Variants in GRM8 observed in about 807,000 individuals in gnomAD.
GRM8 encodes the protein glutamate metabotropic receptor 8.
In GRM8, 47 loss-of-function variants were observed where a neutral mutation model predicts 87.2. The ratio of observed to expected loss-of-function variants is 0.54; its 90% CI spans 0.43 to 0.69. The LOEUF (loss-of-function observed/expected upper bound fraction) is 0.69, where lower values mean the gene tolerates loss of function less well. GRM8 is among the 30% of genes least tolerant of loss of function. The probability of loss-of-function intolerance (pLI) is 0.00; values close to 1 mark genes in which losing one functional copy is unlikely to be tolerated. For missense variants in GRM8, 1,019 were observed against 1,139.2 expected (o/e 0.89, Z 1.52); for synonymous variants, 396 against 404.5 (o/e 0.98, Z 0.25).
chr7:127,032,226 C>A (rs970354421), intron 3 of GRM8, among the ~76,000 whole-genome samples: 4 of 152,128 alleles, frequency 2.6e-5, no homozygotes, highest in African/African-American at 4.8e-5. Flanking sequence ...CCCAGTGACA[C>A]CACTGTGCTC....
intron 6 of GRM8, among the ~76,000 whole-genome samples, chr7:126,853,278 T>A (rs1034181931): frequency 3.3e-5 from 5 of 152,220 alleles, no homozygotes; most frequent in Non-Finnish European, 7.4e-5. Flanking sequence ...TTTTGTTTGA[T>A]CTGTAACATG....
At chr7:126,932,841 G>T (rs1388443944) in intron 3 of GRM8, among the ~76,000 whole-genome samples, 4 of 152,186 alleles carry the variant, frequency 2.6e-5, no homozygotes, top group Non-Finnish European at 5.9e-5. Context: ...GTGTGATTCA[G>T]ATTGTGGAGG....
intron 3 of GRM8, among the ~76,000 whole-genome samples, chr7:127,092,175 T>C (rs1425877490): frequency 2.6e-5 from 4 of 151,726 alleles, no homozygotes; most frequent in African/African-American, 9.7e-5. Context: ...CCCTACCCTA[T>C]ATAATGGAAG....
chr7:127,100,158 C>G (rs939248873), intron 3 of GRM8, among the ~76,000 whole-genome samples: 1 of 152,090 alleles, frequency 6.6e-6, no homozygotes, highest in South Asian at 2.1e-4. Flanking sequence ...TGATAAATTT[C>G]TATTATTTTA....
chr7:126,934,064 A>G (rs1040951485), intron 3 of GRM8, among the ~76,000 whole-genome samples: 26 of 152,276 alleles, frequency 1.7e-4, no homozygotes, highest in African/African-American at 6.3e-4. Flanking sequence ...TTGATACTTA[A>G]ACTTAACCAA....
intron 6 of GRM8, among the ~76,000 whole-genome samples, chr7:126,827,944 G>A (rs1330622100): frequency 6.6e-6 from 1 of 152,086 alleles, no homozygotes. Flanking sequence ...TTTGTCAAAG[G>A]CCTTTTCTGC....
In GRM8 at chr7:126,769,882, C is replaced by T. The variant is rs1288727816; in HGVS notation, c.1340G>A (p.Arg447Gln). The change falls in exon 7 of 11, where the codon CGG becomes CAG. Residue 447 changes from arginine (R) to glutamine (Q), a missense_variant. Physicochemically the swap from Arg to Gln is conservative, Grantham distance 43. Coordinates refer to ENST00000339582, the MANE Select transcript of GRM8 (RefSeq NM_000845.3). ...TAACTTACCATTAAAATTTACAGCC[C>T]GAATATAACCAAGTAGCTCTTTCCC... ...IDGKELLGYI[R>Q]AVNFNGSAGT... 5.0e-6 allele frequency: 8 copies of T among 1,610,442 alleles called. No homozygotes were observed. Among genetic ancestry groups the T allele is most frequent in the Non-Finnish European group, 5.1e-6 (6 of 1,177,022 alleles).
At chr7:126,979,153 G>T (rs771613366) in intron 3 of GRM8, among the ~76,000 whole-genome samples, 14 of 152,124 alleles carry the variant, frequency 9.2e-5, no homozygotes, top group Non-Finnish European at 1.6e-4. Flanking sequence ...CTCAATACAT[G>T]ATATTGATAT....
intron 7 of GRM8, among the ~76,000 whole-genome samples, chr7:126,715,533 T>C (rs1460745206): frequency 2.0e-5 from 3 of 152,314 alleles, no homozygotes; most frequent in African/African-American, 4.8e-5. Context: ...AGAATCTACA[T>C]TTTTTACATT....
At chr7:126,470,889 G>A (rs944087784) in intron 9 of GRM8, among the ~76,000 whole-genome samples, 11 of 152,106 alleles carry the variant, frequency 7.2e-5, no homozygotes, top group African/African-American at 2.7e-4. Context: ...CATTCTAACT[G>A]GTGTGAGATG....
At chr7:127,181,200 G>T (rs1455885051) in intron 2 of GRM8, among the ~76,000 whole-genome samples, 1 of 151,786 alleles carries the variant, frequency 6.6e-6, no homozygotes, top group Non-Finnish European at 1.5e-5. Context: ...TACACCAACA[G>T]CAAGCAAGCA....
Position 126,788,420 on chromosome 7 carries a change from A to AAAAAAAC in GRM8, c.1157-18356_1157-18355insGTTTTTT. Reference sequence around the variant, plus strand: ...GCAAGACTCCATCTCAAAAAAAAAAAAAACCCTTTCAGATATCTTTAACAT... The same window carrying AAAAAAAC: ...GCAAGACTCCATCTCAAAAAAAAAAAAAAAAACAAACCCTTTCAGATATCTTTAACAT... On this transcript the variant is annotated intron_variant, in intron 6 of 10. Transcript: ENST00000339582. Among the ~76,000 whole-genome samples the AAAAAAAC allele has an allele frequency of 2.3e-4, 19 of 81,138 alleles. 3 individuals are homozygous for AAAAAAAC. Among genetic ancestry groups the AAAAAAAC allele is most frequent in the African/African-American group, 8.7e-4 (19 of 21,784 alleles). The allele number at this position is 81,138 out of a possible 152,430, so 53.2% of individuals were successfully genotyped here. A position where few individuals can be genotyped will look rare whatever the true frequency, so the allele number is the denominator to read the frequency against.
intron 7 of GRM8, among the ~76,000 whole-genome samples, chr7:126,680,065 A>T (rs902994132): frequency 3.3e-5 from 5 of 151,938 alleles, no homozygotes; most frequent in Admixed American, 3.3e-4. Context: ...TGAAGATGGA[A>T]CTTAATAAAT....
Position 126,862,861 on chromosome 7 carries a change from G to A in GRM8, c.1156+39681C>T, listed in dbSNP as rs551103570. ...TTAATGTGTGCTTTTTAAATTGATC[G>A]ATTTTGCCATGGGCTTGTCTATTTT... is the stretch of plus-strand genomic sequence containing the variant. On this transcript the variant is annotated intron_variant, in intron 6 of 10. Transcript: ENST00000339582. Among the ~76,000 whole-genome samples the A allele has an allele frequency of 2.6e-4, 39 of 151,782 alleles. No homozygotes were observed. In the South Asian group the frequency reaches 3.7e-3, roughly 15 times the overall value.
chr7:126,919,024 T>G (rs186654765), intron 3 of GRM8, among the ~76,000 whole-genome samples: 30 of 152,142 alleles, frequency 2.0e-4, no homozygotes, highest in Non-Finnish European at 3.7e-4. Flanking sequence ...AAATGCGTTA[T>G]AGCTTAACCA....
intron 6 of GRM8, among the ~76,000 whole-genome samples, chr7:126,850,030 T>G (rs1035692452): frequency 1.3e-5 from 2 of 152,164 alleles, no homozygotes; most frequent in Non-Finnish European, 2.9e-5. Context: ...CTTCTTCCCT[T>G]TGCATCAAGA....
chr7:127,145,732 G>C, intron 2 of GRM8, among the ~76,000 whole-genome samples: 1 of 152,042 alleles, frequency 6.6e-6, no homozygotes, highest in Non-Finnish European at 1.5e-5. Flanking sequence ...TATTTAGTCA[G>C]TGAATTAACA....
At chr7:127,053,355 CCAGTCT>C (rs1819666523) in intron 3 of GRM8, among the ~76,000 whole-genome samples, 1 of 152,172 alleles carries the variant, frequency 6.6e-6, no homozygotes, top group Admixed American at 6.5e-5. Context: ...GGCATTGTGG[CCAGTCT>C]CAGTCTAAGT....
rs533636162 is a variant in GRM8, at chr7:126,483,448, T to TCTCC, written c.2431-37080_2431-37077dup. 2.4e-3 allele frequency among the ~76,000 whole-genome samples: 334 copies of TCTCC among 139,610 alleles called. 3 individuals are homozygous for TCTCC. Among genetic ancestry groups the TCTCC allele is most frequent in the African/African-American group, 7.9e-3 (287 of 36,358 alleles). 91.6% of individuals were successfully genotyped at this position (139,610 alleles called of 152,430 possible). On this transcript the variant is annotated intron_variant, in intron 9 of 10. Transcript: ENST00000339582. The stretch of plus-strand genomic sequence containing the variant: ...AACATACCCTTAGTATTCACTATTC[T>TCTCC]CTCCCTCCCTCCCTCCCTCCCTCCC...
Sources: gnomAD v4.1 joint callset for allele counts (sites outside exome capture counted in the v4.1 genomes callset) on GRCh38, gnomAD v4.1.1 for gene constraint, MANE v1.5 for transcripts, NCBI Gene and HGNC (gene_info 2026-07-23, HGNC 2026-07-21) for gene names.